GRID2: variants seen among roughly 807,000 people sequenced by gnomAD.
GRID2 encodes the protein glutamate ionotropic receptor delta type subunit 2, also known as glutamate receptor ionotropic, delta-2.
Under a neutral mutation model 114.8 loss-of-function variants are expected in GRID2, and 33 were observed. The observed-to-expected ratio is 0.29, with a 90% CI of 0.22 to 0.38. The LOEUF (loss-of-function observed/expected upper bound fraction) is 0.38. GRID2 is among the 10% of genes least tolerant of loss of function. The pLI, the probability that GRID2 is intolerant of heterozygous loss-of-function variation, is 1.00. For synonymous variants in GRID2, 505 were observed against 449.9 expected (o/e 1.12, Z -1.55); for missense variants, 1,184 against 1,257.7 (o/e 0.94, Z 0.89).
intron 8 of GRID2, among the ~76,000 whole-genome samples, chr4:93,350,397 A>G (rs1366411693): frequency 5.3e-5 from 8 of 152,072 alleles, no homozygotes; most frequent in East Asian, 1.9e-4. Flanking sequence ...CAAGACATCA[A>G]TCATAGATGG....
intron 3 of GRID2, among the ~76,000 whole-genome samples, chr4:93,102,150 G>C (rs1731762838): frequency 6.6e-6 from 1 of 152,072 alleles, no homozygotes; most frequent in Non-Finnish European, 1.5e-5. Flanking sequence ...GAAAGTCTAG[G>C]GAACAGCTGC....
intron 8 of GRID2, among the ~76,000 whole-genome samples, chr4:93,376,101 G>C (rs550347927): frequency 3.3e-5 from 5 of 152,076 alleles, no homozygotes; most frequent in Non-Finnish European, 7.4e-5. Flanking sequence ...CCACCCATAT[G>C]ATCTCACTTA....
At chr4:93,579,611 A>C (rs559555593) in intron 13 of GRID2, among the ~76,000 whole-genome samples, 1 of 152,240 alleles carries the variant, frequency 6.6e-6, no homozygotes, top group Admixed American at 6.5e-5. Flanking sequence ...GTTGAAAGAG[A>C]CAGTGGTCTT....
intron 2 of GRID2, among the ~76,000 whole-genome samples, chr4:93,040,772 A>G (rs1162899597): frequency 1.3e-5 from 2 of 152,182 alleles, no homozygotes; most frequent in Non-Finnish European, 2.9e-5. Flanking sequence ...AATAATTATT[A>G]AGTTCAATAA....
chr4:93,271,911 T>C (rs1481198658), intron 8 of GRID2, among the ~76,000 whole-genome samples: 1 of 152,224 alleles, frequency 6.6e-6, no homozygotes, highest in Admixed American at 6.5e-5. Context: ...TTTACATGTA[T>C]TCTCTTATTT....
chr4:92,330,224 G>A lies in GRID2; in HGVS notation c.88+25480G>A, dbSNP rs913992699. Among the ~76,000 whole-genome samples the A allele has an allele frequency of 7.2e-5, 11 of 151,912 alleles. No homozygotes were observed. The East Asian group carries it at 9.7e-4, about 13-fold the overall frequency. Reference sequence around the variant, plus strand: ...TTAAGATGTTTAAATTTTTTAATACGAATATATTCTCACACCCTCCGTTTT... The same window carrying A: ...TTAAGATGTTTAAATTTTTTAATACAAATATATTCTCACACCCTCCGTTTT... On this transcript the variant is annotated intron_variant, in intron 1 of 15. Coordinates refer to ENST00000282020, the MANE Select transcript of GRID2 (RefSeq NM_001510.4).
chr4:92,957,948 C>G (rs1395648878), intron 2 of GRID2, among the ~76,000 whole-genome samples: 2 of 151,950 alleles, frequency 1.3e-5, no homozygotes, highest in African/African-American at 4.8e-5. Flanking sequence ...TCAGATTCCT[C>G]TTGTTCATTC....
chr4:93,006,485 G>C (rs1264345045), intron 2 of GRID2, among the ~76,000 whole-genome samples: 1 of 151,898 alleles, frequency 6.6e-6, no homozygotes, highest in East Asian at 1.9e-4. Context: ...TAACAGTCTT[G>C]GGAAGATATG....
chr4:93,003,952 T>C (rs1027934430), intron 2 of GRID2, among the ~76,000 whole-genome samples: 5 of 151,914 alleles, frequency 3.3e-5, no homozygotes. Context: ...CAAACCAAAA[T>C]GTAAGGCTTG....
At chr4:92,721,705 A>C (rs767053639) in intron 2 of GRID2, among the ~76,000 whole-genome samples, 1 of 152,130 alleles carries the variant, frequency 6.6e-6, no homozygotes, top group Non-Finnish European at 1.5e-5. Context: ...TTTTCTGTAA[A>C]TATTTTGTGG....
rs376117609 is a variant in GRID2, at chr4:92,439,540, C to A, written c.88+134796C>A. ...GGGCTGCTTCAAGCGGGATTAGGGG[C>A]GGCGTGGGAACCTAGAGTGGGAGAG... On this transcript the variant is annotated intron_variant, in intron 1 of 15. Coordinates refer to ENST00000282020, the MANE Select transcript of GRID2 (RefSeq NM_001510.4). 3.0e-3 allele frequency among the ~76,000 whole-genome samples: 449 copies of A among 150,054 alleles called. 5 individuals carry two copies. Among genetic ancestry groups the A allele is most frequent in the African/African-American group, 0.01 (429 of 40,942 alleles).
At chr4:92,564,889 G>A (rs2060678) in intron 1 of GRID2, among the ~76,000 whole-genome samples, 23,404 of 151,814 alleles carry the variant, frequency 0.15, 2,194 homozygotes, top group South Asian at 0.26. Context: ...GCCCTGTATC[G>A]TCAGTGTAGT....
intron 8 of GRID2, among the ~76,000 whole-genome samples, chr4:93,309,277 G>A (rs934810519): frequency 2.6e-5 from 4 of 152,152 alleles, no homozygotes; most frequent in Non-Finnish European, 5.9e-5. Context: ...GCTCACACCT[G>A]TAATCCCAAC....
chr4:92,983,133 A>C (rs1754319405), intron 2 of GRID2, among the ~76,000 whole-genome samples: 1 of 152,150 alleles, frequency 6.6e-6, no homozygotes, highest in Non-Finnish European at 1.5e-5. Flanking sequence ...GAGTGTATCA[A>C]TTAAATAAAG....
intron 4 of GRID2, among the ~76,000 whole-genome samples, chr4:93,185,425 C>T (rs901868326): frequency 6.6e-6 from 1 of 152,130 alleles, no homozygotes; most frequent in South Asian, 2.1e-4. Flanking sequence ...TGGGATATCA[C>T]AGTTTTAATT....
intron 8 of GRID2, among the ~76,000 whole-genome samples, chr4:93,286,600 A>G (rs772392247): frequency 1.3e-5 from 2 of 151,948 alleles, no homozygotes; most frequent in Non-Finnish European, 2.9e-5. Context: ...ACACTGTATC[A>G]CTTAAGAACC....
intron 2 of GRID2, among the ~76,000 whole-genome samples, chr4:92,956,063 A>G (rs1024380249): frequency 1.3e-5 from 2 of 152,212 alleles, no homozygotes; most frequent in Non-Finnish European, 2.9e-5. Context: ...AAAGAAAACA[A>G]AAAACAAAAA....
At chr4:92,405,860 G>A (rs1731002785) in intron 1 of GRID2, among the ~76,000 whole-genome samples, 1 of 151,926 alleles carries the variant, frequency 6.6e-6, no homozygotes, top group Admixed American at 6.6e-5. Flanking sequence ...AGAACTAATA[G>A]GATAGATGTA....
chr4:93,522,810 G>T (rs1233142419), intron 13 of GRID2, among the ~76,000 whole-genome samples: 1 of 152,088 alleles, frequency 6.6e-6, no homozygotes, highest in Non-Finnish European at 1.5e-5. Flanking sequence ...TGAAATTGAT[G>T]ACAAGGGATT....
Sources: allele counts gnomAD v4.1 joint callset (sites outside exome capture counted in the v4.1 genomes callset), GRCh38; gene constraint gnomAD v4.1.1; transcripts MANE v1.5; gene names NCBI Gene and HGNC (gene_info 2026-07-23, HGNC 2026-07-21).